Variants in ZC3H7B observed in about 807,000 individuals in gnomAD.
ZC3H7B encodes the protein zinc finger CCCH-type containing 7B, also known as zinc finger CCCH domain-containing protein 7B.
A neutral mutation model predicts 116.0 loss-of-function variants in ZC3H7B; 35 were observed. The ratio of observed to expected loss-of-function variants is 0.30; its 90% CI spans 0.23 to 0.40. The LOEUF (loss-of-function observed/expected upper bound fraction) is 0.40. ZC3H7B is among the 10% of genes least tolerant of loss of function. The pLI is 1.00. For synonymous variants in ZC3H7B, 502 were observed against 545.6 expected (o/e 0.92, Z 1.11); for missense variants, 1,011 against 1,321.5 (o/e 0.77, Z 3.64).
At chr22:41,306,412 C>T (rs1396067990) in intron 1 of ZC3H7B, among the ~76,000 whole-genome samples, 3 of 138,042 alleles carry the variant, frequency 2.2e-5, no homozygotes, top group African/African-American at 5.2e-5. Context: ...CCACTCTTGT[C>T]GCCCAGGCTG....
chr22:41,307,138 T>G (rs1162754737), intron 1 of ZC3H7B, among the ~76,000 whole-genome samples: 5 of 152,002 alleles, frequency 3.3e-5, no homozygotes, highest in Non-Finnish European at 2.9e-5. Context: ...CACACCTGGC[T>G]AATTTTTTTT....
Position 41,357,379 on chromosome 22 carries a change from G to A in ZC3H7B, c.2884G>A (p.Ala962Thr), listed in dbSNP as rs770136356. 3.3e-5 allele frequency: 54 copies of A among 1,613,096 alleles called. No homozygotes were observed. Among genetic ancestry groups the A allele is most frequent in the Non-Finnish European group, 4.1e-5 (48 of 1,179,960 alleles). Residue 962 changes from alanine to threonine, a missense_variant, in exon 23 of 23, where the codon GCC (alanine) becomes ACC (threonine). Physicochemically the swap from Ala to Thr is moderately conservative, Grantham distance 58 (BLOSUM62 0). This residue lies in a region of ZC3H7B where 406 missense variants were observed against 590.2 expected (regional missense o/e 0.69). Transcript: ENST00000352645. The surrounding 1 kb of genome is among the most constrained non-coding windows in gnomAD (Gnocchi z 5.4). ...GCAAGAGGACGGGGACCTTGCCGGT[G>A]CCACCCCAGAAGCCCCTGCTGCTGC... ...LLQEDGDLAG[A>T]TPEAPAAAAT... is the part of the protein sequence containing the mutation.
intron 1 of ZC3H7B, among the ~76,000 whole-genome samples, chr22:41,319,101 T>A (rs2036220134): frequency 6.6e-6 from 1 of 152,154 alleles, no homozygotes; most frequent in Admixed American, 6.6e-5. Context: ...AAACCCCATC[T>A]GTACTAAAAA....
intron 12 of ZC3H7B, among the ~76,000 whole-genome samples, chr22:41,343,207 G>C (rs1043269059): frequency 6.6e-6 from 1 of 152,184 alleles, no homozygotes; most frequent in Admixed American, 6.5e-5. Context: ...CCAAGAATGG[G>C]CTCCTTCGAG....
At chr22:41,330,402 G>A (rs973301221) in intron 6 of ZC3H7B, among the ~76,000 whole-genome samples, 12 of 152,224 alleles carry the variant, frequency 7.9e-5, no homozygotes, top group African/African-American at 2.7e-4. Flanking sequence ...GCGTCCTTCA[G>A]CATTATGTTC....
At chr22:41,350,276 T>C (rs2036639904) in intron 16 of ZC3H7B, among the ~76,000 whole-genome samples, 1 of 151,682 alleles carries the variant, frequency 6.6e-6, no homozygotes, top group Admixed American at 6.6e-5. Context: ...GCCTGAGAGG[T>C]TGGAGGGGAC....
At chr22:41,312,583 C>A (rs1204049146) in intron 1 of ZC3H7B, among the ~76,000 whole-genome samples, 3 of 151,836 alleles carry the variant, frequency 2.0e-5, no homozygotes, top group African/African-American at 7.3e-5. Flanking sequence ...CAGTGAGACC[C>A]TGCCTCTAAA....
chr22:41,355,531 G>T lies in ZC3H7B; in HGVS notation c.2097G>T (p.Gln699His). 6.2e-7 allele frequency: 1 copy of T among 1,614,198 alleles called. No individual in the cohort carries two copies. The highest frequency in any genetic ancestry group is 8.5e-7 in the Non-Finnish European group (1 of 1,180,038). The change falls in exon 18 of 23, where the codon CAG becomes CAT. Residue 699 changes from glutamine (Q) to histidine (H), a missense_variant. By Grantham distance (24) the Gln-to-His change is conservative. This residue lies in a region of ZC3H7B where 406 missense variants were observed against 590.2 expected (regional missense o/e 0.69). Coordinates refer to ENST00000352645, the MANE Select transcript of ZC3H7B (RefSeq NM_017590.6). ...FDLQMKFVCG[Q>H]CWRNGQVVEP... The stretch of plus-strand genomic sequence containing the variant: ...TGCAGATGAAGTTTGTATGTGGCCA[G>T]TGCTGGAGAAACGGGCAGGTGGTGG...
At chr22:41,336,753 A>T (rs900687639) in intron 7 of ZC3H7B, 1 of 152,106 alleles carries the variant, frequency 6.6e-6, no homozygotes, top group South Asian at 2.1e-4. Context: ...CCGAGATTAG[A>T]GAATCACTTG....
rs1336853003 is a variant in ZC3H7B at position 41,359,624 on chromosome 22, T to G, written c.*2195T>G. Reference sequence around the variant, plus strand: ...GTCTCCCCGCTGAAAAGAACAGGATTCAAGTCCAGAGTTTTCATCTTCAGC... The same window carrying G: ...GTCTCCCCGCTGAAAAGAACAGGATGCAAGTCCAGAGTTTTCATCTTCAGC... On this transcript the variant is annotated 3_prime_UTR_variant, in exon 23 of 23. Coordinates refer to ENST00000352645, the MANE Select transcript of ZC3H7B (RefSeq NM_017590.6). 1 of 152,160 alleles carries G rather than the reference T, an allele frequency of 6.6e-6. No individual in the cohort carries two copies. Among genetic ancestry groups the G allele is most frequent in the Admixed American group, 6.5e-5 (1 of 15,272 alleles). 9.4% of individuals were successfully genotyped at this position (152,160 alleles called of 1,614,324 possible).
chr22:41,350,252 A>G (rs1389437811), intron 16 of ZC3H7B, among the ~76,000 whole-genome samples: 2 of 152,202 alleles, frequency 1.3e-5, no homozygotes, highest in Non-Finnish European at 2.9e-5. Context: ...CTTAGTCAGT[A>G]GAAGGGGAAT....
chr22:41,317,588 G>A (rs1373087320), intron 1 of ZC3H7B, among the ~76,000 whole-genome samples: 3 of 151,536 alleles, frequency 2.0e-5, no homozygotes, highest in African/African-American at 2.4e-5. Flanking sequence ...CCAGGAGTTC[G>A]AGACCAGCCT....
chr22:41,342,277 C>T (rs1459040806), intron 11 of ZC3H7B, among the ~76,000 whole-genome samples: 3 of 152,190 alleles, frequency 2.0e-5, no homozygotes, highest in African/African-American at 7.2e-5. Context: ...AGAGCCAAGA[C>T]CCAGGTCACC....
At chr22:41,319,792 G>A (rs2036231531) in intron 1 of ZC3H7B, among the ~76,000 whole-genome samples, 1 of 152,090 alleles carries the variant, frequency 6.6e-6, no homozygotes, top group South Asian at 2.1e-4. Flanking sequence ...ACTCTGGGGG[G>A]CCAAAGCAGG....
At chr22:41,340,262 C>A in intron 10 of ZC3H7B, 125 bp downstream of exon 10, 1 of 1,060,836 alleles carries the variant, frequency 9.4e-7, no homozygotes. Flanking sequence ...TTAGCAATCC[C>A]AGGCCATGTC....
intron 1 of ZC3H7B, among the ~76,000 whole-genome samples, chr22:41,316,182 G>C (rs2036181198): frequency 6.6e-6 from 1 of 151,872 alleles, no homozygotes; most frequent in African/African-American, 2.4e-5. Flanking sequence ...TAGTAGAGAT[G>C]GGGTTTCTCC....
At chr22:41,323,192 T>C (rs777383062) in intron 2 of ZC3H7B, among the ~76,000 whole-genome samples, 17 of 152,224 alleles carry the variant, frequency 1.1e-4, no homozygotes, top group Non-Finnish European at 2.5e-4. Context: ...CAACCCCACC[T>C]TGCTGCCATG....
chr22:41,341,770 C>T (rs1166551591), intron 11 of ZC3H7B, among the ~76,000 whole-genome samples: 2 of 147,574 alleles, frequency 1.4e-5, no homozygotes, highest in African/African-American at 5.0e-5. Context: ...AATAAAAGAA[C>T]ATCTGATGAG....
chr22:41,356,638 C>T lies in ZC3H7B; in HGVS notation c.2518-7C>T. ...GGAGCAGGCACCCATGATGGCTGTGCTCCCAGATGGGCTACCACTGCTGGC... is the reference window on the plus strand; with the variant it reads ...GGAGCAGGCACCCATGATGGCTGTGTTCCCAGATGGGCTACCACTGCTGGC... On this transcript the variant is annotated splice_region_variant and splice_polypyrimidine_tract_variant and intron_variant, in intron 21 of 22. Transcript: ENST00000352645. 6.2e-7 allele frequency: 1 copy of T among 1,613,244 alleles called. No individual in the cohort carries two copies.
Sources: allele counts gnomAD v4.1 joint callset (sites outside exome capture counted in the v4.1 genomes callset), GRCh38; gene constraint gnomAD v4.1.1; regional missense constraint gnomAD v4.1.1; non-coding constraint Gnocchi (gnomAD v3.1); transcripts MANE v1.5; gene names NCBI Gene and HGNC (gene_info 2026-07-23, HGNC 2026-07-21).